Variants in PIK3C3 observed in about 807,000 individuals in gnomAD.
PIK3C3 encodes PI3-kinase type 3.
A neutral mutation model predicts 126.1 loss-of-function variants in PIK3C3; 95 were observed. The observed-to-expected ratio is 0.75, with a 90% CI of 0.64 to 0.89. The LOEUF is 0.89. Ranked by LOEUF, PIK3C3 falls within the 40% of genes least tolerant of loss-of-function variation. The pLI is 0.00. For missense variants in PIK3C3, 829 were observed against 1,063.2 expected (o/e 0.78, Z 3.06); for synonymous variants, 374 against 360.0 (o/e 1.04, Z -0.44).
chr18:42,032,649 T>TTTATTTAG (rs1293238446), intron 15 of PIK3C3, among the ~76,000 whole-genome samples: 2 of 150,592 alleles, frequency 1.3e-5, no homozygotes, highest in African/African-American at 4.9e-5. Context: ...TATTTATTTA[T>TTTATTTAG]TTATTTATTT....
intron 24 of PIK3C3, among the ~76,000 whole-genome samples, chr18:42,078,409 A>AT (rs1491281506): frequency 2.2e-5 from 3 of 138,860 alleles, no homozygotes; most frequent in Non-Finnish European, 4.6e-5. Flanking sequence ...AAAAAAAAAA[A>AT]TTTTCAGTAA....
intron 1 of PIK3C3, among the ~76,000 whole-genome samples, chr18:41,956,575 A>T (rs1164725078): frequency 5.5e-4 from 57 of 103,416 alleles, no homozygotes; most frequent in South Asian, 4.7e-3. Flanking sequence ...TTTTTTGGAG[A>T]CAGGGTCTCA....
At chr18:41,975,612 A>G (rs966169675) in intron 4 of PIK3C3, among the ~76,000 whole-genome samples, 1 of 151,690 alleles carries the variant, frequency 6.6e-6, no homozygotes, top group African/African-American at 2.4e-5. Context: ...AGTCTTCATG[A>G]TATTGTTGAT....
rs1986424388 is a variant in PIK3C3, at chr18:42,087,606, GA to G, written c.*6475del. ...TGATTTGGAGCTTCTTTTCATTAAA[GA>G]AAAAAGCCTTACCGAGGACTCCCAT... On this transcript the variant is annotated 3_prime_UTR_variant, in exon 25 of 25. Transcript: ENST00000262039. 6.6e-6 allele frequency: 1 copy of G among 152,070 alleles called. No homozygotes were observed. Among genetic ancestry groups the G allele is most frequent in the Non-Finnish European group, 1.5e-5 (1 of 67,990 alleles). 9.4% of individuals were successfully genotyped at this position (152,070 alleles called of 1,614,324 possible).
chr18:41,969,885 G>C (rs1285693586), intron 3 of PIK3C3, among the ~76,000 whole-genome samples: 1 of 152,172 alleles, frequency 6.6e-6, no homozygotes, highest in Non-Finnish European at 1.5e-5. Flanking sequence ...TGTGATTCAA[G>C]TACAGGCAGT....
intron 2 of PIK3C3, among the ~76,000 whole-genome samples, chr18:41,958,141 A>G (rs1405608112): frequency 6.6e-6 from 1 of 152,222 alleles, no homozygotes; most frequent in Non-Finnish European, 1.5e-5. Context: ...TTTTAGAGAT[A>G]GATCTATTGC....
intron 3 of PIK3C3, among the ~76,000 whole-genome samples, chr18:41,966,830 A>AT (rs1440773274): frequency 2.0e-5 from 3 of 152,140 alleles, no homozygotes; most frequent in African/African-American, 7.2e-5. Context: ...CATCATTTTC[A>AT]TTTTTAATCA....
chr18:42,040,156 C>CTTTT (rs55821466), intron 18 of PIK3C3, among the ~76,000 whole-genome samples: 112 of 110,514 alleles, frequency 1.0e-3, no homozygotes, highest in African/African-American at 3.6e-3. Context: ...GTCCCCTTTC[C>CTTTT]TTTTTTTTTT....
rs1338161127 is a variant in PIK3C3 at position 42,083,008 on chromosome 18, A to G, written c.*1871A>G. On this transcript the variant is annotated 3_prime_UTR_variant, in exon 25 of 25. Coordinates refer to ENST00000262039, the MANE Select transcript of PIK3C3 (RefSeq NM_002647.4). ...TGTATTCAGTGCCACCTTAACAAGAATTGTAAAGAGGATAAACCTTTCTAG... is the reference window on the plus strand; with the variant it reads ...TGTATTCAGTGCCACCTTAACAAGAGTTGTAAAGAGGATAAACCTTTCTAG... The G allele has an allele frequency of 3.3e-5, 5 of 152,210 alleles. No individual in the cohort carries two copies. Among genetic ancestry groups the G allele is most frequent in the Admixed American group, 3.3e-4 (5 of 15,284 alleles). 9.4% of individuals were successfully genotyped at this position (152,210 alleles called of 1,614,324 possible).
At chr18:42,038,881 T>G in intron 18 of PIK3C3, 31 bp downstream of exon 18, 1 of 1,337,980 alleles carries the variant, frequency 7.5e-7, no homozygotes, top group Non-Finnish European at 1.1e-6. Flanking sequence ...TATTATTTAC[T>G]TTAGTGTACA....
At chr18:42,029,202 A>T in intron 14 of PIK3C3, 123 bp from the exon 15 acceptor site, 2 of 632,842 alleles carry the variant, frequency 3.2e-6, no homozygotes, top group South Asian at 1.8e-5. Context: ...AATCTTTTTC[A>T]GTTTTGCTTT....
chr18:41,959,295 G>A (rs1486220274), intron 2 of PIK3C3, among the ~76,000 whole-genome samples: 3 of 152,044 alleles, frequency 2.0e-5, no homozygotes, highest in Admixed American at 1.3e-4. Flanking sequence ...AAGATTAAAG[G>A]TTTTCTCCTC....
In PIK3C3 at chr18:41,990,534, G is replaced by A; in HGVS notation, c.694G>A (p.Gly232Ser). Reference sequence around the variant, plus strand: ...TGTCAAGTGTGATGATAAGGAATATGGTATTGTTTATTATGAAAAGGTATT... The same window carrying A: ...TGTCAAGTGTGATGATAAGGAATATAGTATTGTTTATTATGAAAAGGTATT... ...RCVKCDDKEY[G>S]IVYYEKDGDE... The change falls in exon 6 of 25, where the codon GGT becomes AGT. Residue 232 changes from glycine to serine, a missense_variant. Coordinates refer to ENST00000262039, the MANE Select transcript of PIK3C3 (RefSeq NM_002647.4). The A allele has an allele frequency of 7.0e-6, 11 of 1,578,380 alleles. No homozygotes were observed. Among genetic ancestry groups the A allele is most frequent in the Non-Finnish European group, 9.6e-6 (11 of 1,148,456 alleles).
chr18:42,029,509 A>G (rs938405201), intron 15 of PIK3C3, 68 bp downstream of exon 15: 3 of 411,122 alleles, frequency 7.3e-6, no homozygotes, highest in Non-Finnish European at 1.4e-5. Flanking sequence ...AATTTTCACT[A>G]TTGTCTTTTT....
At position 42,087,474 on chromosome 18, in the gene PIK3C3, C is replaced by G. The variant is rs1053032473; in HGVS notation, c.*6337C>G. 3 of 152,142 alleles carry G rather than the reference C, an allele frequency of 2.0e-5. No homozygotes were observed. Among genetic ancestry groups the G allele is most frequent in the African/African-American group, 7.2e-5 (3 of 41,430 alleles). The allele number at this position is 152,142 out of a possible 1,614,324, so 9.4% of individuals were successfully genotyped here. A position where few individuals can be genotyped will look rare whatever the true frequency, so the allele number is the denominator to read the frequency against. Reference sequence around the variant, plus strand: ...GGCAGAGAAGGGAAGATGAAGCCACCATCTTGAAAATGTCTAGTCCTTAGT... The same window carrying G: ...GGCAGAGAAGGGAAGATGAAGCCACGATCTTGAAAATGTCTAGTCCTTAGT... On this transcript the variant is annotated 3_prime_UTR_variant, in exon 25 of 25. Transcript: ENST00000262039.
chr18:42,040,840 T>C (rs906854843), intron 19 of PIK3C3, 99 bp downstream of exon 19: 13 of 785,718 alleles, frequency 1.7e-5, no homozygotes, highest in Non-Finnish European at 2.7e-5. Flanking sequence ...TCTCCTTTTA[T>C]CATTTTTCTT....
rs1984435513 is a variant in PIK3C3 at position 42,043,813 on chromosome 18, C to T, written c.2184C>T (p.Ser728=). Residue 728 remains serine, a synonymous_variant, in exon 20 of 25, where the codon AGC becomes AGT. Coordinates refer to ENST00000262039, the MANE Select transcript of PIK3C3 (RefSeq NM_002647.4). The part of the protein sequence containing the change: ...SAEVMDTYVK[S]CAGYCVITYI... ...AGGTCATGGACACTTACGTTAAAAGCTGTGGTAAGTTTTTCAGGCTATTAC... is the reference window on the plus strand; with the variant it reads ...AGGTCATGGACACTTACGTTAAAAGTTGTGGTAAGTTTTTCAGGCTATTAC... 1 of 1,609,048 alleles carries T rather than the reference C, an allele frequency of 6.2e-7. No individual in the cohort carries two copies. Among genetic ancestry groups the T allele is most frequent in the Non-Finnish European group, 8.5e-7 (1 of 1,175,730 alleles).
At chr18:42,076,351 C>T (rs1038386932) in intron 24 of PIK3C3, among the ~76,000 whole-genome samples, 1 of 151,360 alleles carries the variant, frequency 6.6e-6, no homozygotes, top group South Asian at 2.1e-4. Flanking sequence ...TTTAAATTAT[C>T]TTTTAACTTT....
intron 22 of PIK3C3, among the ~76,000 whole-genome samples, chr18:42,061,197 A>G (rs1325594156): frequency 6.6e-6 from 1 of 152,140 alleles, no homozygotes; most frequent in Non-Finnish European, 1.5e-5. Context: ...TAATTATATC[A>G]CATTCCATCT....
Sources: gnomAD v4.1 joint callset for allele counts (sites outside exome capture counted in the v4.1 genomes callset) on GRCh38, gnomAD v4.1.1 for gene constraint, MANE v1.5 for transcripts, NCBI Gene and HGNC (gene_info 2026-07-23, HGNC 2026-07-21) for gene names.